IMMT: variants seen among roughly 807,000 people sequenced by gnomAD.
IMMT encodes inner membrane mitochondrial protein, also known as MICOS complex subunit MIC60.
IMMT carries 40 observed loss-of-function variants against 92.7 expected under a neutral mutation model. The observed-to-expected ratio is 0.43, with a 90% CI of 0.34 to 0.56. IMMT has a LOEUF of 0.56. Among genes scored for constraint, IMMT ranks in the 20% least tolerant of loss-of-function variants. The pLI is 0.03. For synonymous variants in IMMT, 322 were observed against 336.1 expected (o/e 0.96, Z 0.46); for missense variants, 831 against 912.1 (o/e 0.91, Z 1.14).
intron 6 of IMMT, among the ~76,000 whole-genome samples, chr2:86,169,249 G>A (rs1308284650): frequency 6.6e-6 from 1 of 152,030 alleles, no homozygotes; most frequent in East Asian, 1.9e-4. Flanking sequence ...GTGATAAAGA[G>A]AGAAAAGTGA....
intron 5 of IMMT, 98 bp from the exon 6 acceptor site, chr2:86,170,942 T>C (rs1353559508): frequency 1.1e-6 from 1 of 905,382 alleles, no homozygotes; most frequent in South Asian, 1.5e-5. Flanking sequence ...TGGCCAGTTA[T>C]ATCAATGCAG....
intron 2 of IMMT, among the ~76,000 whole-genome samples, chr2:86,180,954 T>C (rs895398485): frequency 6.6e-6 from 1 of 152,040 alleles, no homozygotes; most frequent in African/African-American, 2.4e-5. Context: ...AGTCACAATA[T>C]GAAAAGCTAA....
intron 7 of IMMT, among the ~76,000 whole-genome samples, chr2:86,163,997 A>G (rs1205119826): frequency 1.4e-5 from 2 of 142,048 alleles, no homozygotes; most frequent in Admixed American, 7.2e-5. Flanking sequence ...TTTGCAAAGT[A>G]TATCTTATGA....
At chr2:86,167,667 G>C (rs1676809714) in intron 6 of IMMT, among the ~76,000 whole-genome samples, 2 of 149,822 alleles carry the variant, frequency 1.3e-5, no homozygotes, top group Non-Finnish European at 3.0e-5. Flanking sequence ...TGTATTTTTA[G>C]CAGACAGGGT....
chr2:86,146,031 G>T (rs1237812664), intron 14 of IMMT, 37 bp downstream of exon 14: 2 of 1,445,390 alleles, frequency 1.4e-6, no homozygotes. Flanking sequence ...TTATGCTGAG[G>T]AAAATTATCT....
At chr2:86,175,684 T>G (rs1450596316) in intron 3 of IMMT, among the ~76,000 whole-genome samples, 1 of 150,750 alleles carries the variant, frequency 6.6e-6, no homozygotes, top group Non-Finnish European at 1.5e-5. Flanking sequence ...CAGCAACAAG[T>G]TGACACGATG....
chr2:86,162,095 T>C lies in IMMT; in HGVS notation c.793-16A>G. On this transcript the variant is annotated splice_polypyrimidine_tract_variant and intron_variant, in intron 7 of 14. Coordinates refer to ENST00000410111, the MANE Select transcript of IMMT (RefSeq NM_006839.3). ...CGCCTGCAATCTAAACAAAAAATTTTAATTATATAATAAATAACTGCTATT... is the reference window on the plus strand; with the variant it reads ...CGCCTGCAATCTAAACAAAAAATTTCAATTATATAATAAATAACTGCTATT... The C allele has an allele frequency of 6.8e-7, 1 of 1,462,438 alleles. No homozygotes were observed. The highest frequency in any genetic ancestry group is 9.3e-7 in the Non-Finnish European group (1 of 1,078,732). 90.6% of individuals were successfully genotyped at this position (1,462,438 alleles called of 1,614,324 possible). A position where few individuals can be genotyped will look rare whatever the true frequency, so the allele number is the denominator to read the frequency against.
chr2:86,180,661 T>C (rs13024884), intron 2 of IMMT, among the ~76,000 whole-genome samples: 69,598 of 151,200 alleles, frequency 0.46, 16,536 homozygotes, highest in Non-Finnish European at 0.51. Context: ...CCGAGGCGGA[T>C]GGATCACCTG....
Position 86,158,786 on chromosome 2 carries a change from A to G in IMMT, c.1033-65T>C, listed in dbSNP as rs566928248. On this transcript the variant is annotated intron_variant, in intron 9 of 14. Coordinates refer to ENST00000410111, the MANE Select transcript of IMMT (RefSeq NM_006839.3). ...AAATACCATAAACATTCCAAGAAAC[A>G]GAAGTAGTATTCCTTCATTTGTTTA... The G allele has an allele frequency of 7.3e-5, 95 of 1,308,284 alleles. 1 individual carries two copies. The South Asian group carries it at 1.2e-3, about 17-fold the overall frequency. 81.0% of individuals were successfully genotyped at this position (1,308,284 alleles called of 1,614,324 possible).
chr2:86,158,785 CAGA>C, intron 9 of IMMT, 64 bp from the exon 10 acceptor site: 1 of 1,314,544 alleles, frequency 7.6e-7, no homozygotes, highest in Non-Finnish European at 1.1e-6. Context: ...TTCCAAGAAA[CAGA>C]AGTAGTATTC....
chr2:86,187,174 A>C (rs990463829), intron 1 of IMMT, among the ~76,000 whole-genome samples: 1 of 152,118 alleles, frequency 6.6e-6, no homozygotes, highest in African/African-American at 2.4e-5. Flanking sequence ...CATCACCCTA[A>C]AAGGAAATCC....
intron 1 of IMMT, among the ~76,000 whole-genome samples, chr2:86,182,074 T>C (rs935593815): frequency 3.2e-4 from 47 of 146,710 alleles, no homozygotes; most frequent in Non-Finnish European, 1.5e-4. Flanking sequence ...TTAATAAGAG[T>C]AAAATACACC....
intron 3 of IMMT, among the ~76,000 whole-genome samples, chr2:86,177,395 G>A (rs1229231541): frequency 6.6e-6 from 1 of 152,070 alleles, no homozygotes; most frequent in East Asian, 1.9e-4. Flanking sequence ...CTGAGGTCAG[G>A]AGTTTAAGAC....
At chr2:86,190,441 G>T (rs557652162) in intron 1 of IMMT, among the ~76,000 whole-genome samples, 1 of 152,178 alleles carries the variant, frequency 6.6e-6, no homozygotes, top group Admixed American at 6.5e-5. Flanking sequence ...TACTCCATAT[G>T]TAAATGACCA....
intron 1 of IMMT, among the ~76,000 whole-genome samples, chr2:86,190,221 GT>G (rs1361690743): frequency 6.6e-6 from 1 of 152,180 alleles, no homozygotes; most frequent in Non-Finnish European, 1.5e-5. Flanking sequence ...AGCACGTGTG[GT>G]TGGCTGCCTA....
At chr2:86,161,431 A>T (rs943242938) in intron 8 of IMMT, among the ~76,000 whole-genome samples, 1 of 150,640 alleles carries the variant, frequency 6.6e-6, no homozygotes, top group Non-Finnish European at 1.5e-5. Context: ...AAGTACTGGG[A>T]TTACAGGCGT....
At chr2:86,187,836 C>T (rs1166613610) in intron 1 of IMMT, among the ~76,000 whole-genome samples, 5 of 151,398 alleles carry the variant, frequency 3.3e-5, no homozygotes, top group African/African-American at 4.9e-5. Context: ...CCCTTGAACC[C>T]AGGAGGTAGA....
At chr2:86,184,152 G>A (rs12469762) in intron 1 of IMMT, among the ~76,000 whole-genome samples, 56,771 of 151,752 alleles carry the variant, frequency 0.37, 12,942 homozygotes, top group Non-Finnish European at 0.51. Context: ...TACAGAAATA[G>A]AGTGTTTCAA....
intron 6 of IMMT, among the ~76,000 whole-genome samples, chr2:86,168,091 C>T (rs1676842450): frequency 6.6e-6 from 1 of 152,006 alleles, no homozygotes; most frequent in Admixed American, 6.6e-5. Flanking sequence ...AATAAGAAAA[C>T]AGGTCAAAAA....
Sources: gnomAD v4.1 joint callset for allele counts (sites outside exome capture counted in the v4.1 genomes callset) on GRCh38, gnomAD v4.1.1 for gene constraint, MANE v1.5 for transcripts, NCBI Gene and HGNC (gene_info 2026-07-23, HGNC 2026-07-21) for gene names.